CBFA2T2: variants seen among roughly 807,000 people sequenced by gnomAD.
The protein encoded by CBFA2T2 is CBFA2/RUNX1 partner transcriptional co-repressor 2, also known as protein CBFA2T2.
A neutral mutation model predicts 62.2 loss-of-function variants in CBFA2T2; 11 were observed. The ratio of observed to expected loss-of-function variants is 0.18; its 90% confidence interval spans 0.11 to 0.29. The LOEUF is 0.29. Ranked by LOEUF, CBFA2T2 falls within the 10% of genes least tolerant of loss-of-function variation. CBFA2T2 has a pLI of 1.00. For synonymous variants in CBFA2T2, 295 were observed against 287.5 expected, an observed-to-expected ratio of 1.03 and a Z score of -0.27; for missense variants, 592 against 774.1, an observed-to-expected ratio of 0.76 and a Z score of 2.79.
chr20:33,628,652 A>G (rs2016340601), intron 7 of CBFA2T2, among the ~76,000 whole-genome samples: 1 of 152,134 alleles, frequency 6.6e-6, no homozygotes, highest in Admixed American at 6.5e-5. Context: ...TATTTTTAGT[A>G]GAGACAGGGT....
At chr20:33,563,756 T>C (rs1600975487) in intron 1 of CBFA2T2, among the ~76,000 whole-genome samples, 1 of 152,056 alleles carries the variant, frequency 6.6e-6, no homozygotes, top group Non-Finnish European at 1.5e-5. Context: ...GTTTCAAGAG[T>C]TCTAGATGTT....
chr20:33,644,745 C>A lies in CBFA2T2; in HGVS notation c.*99C>A. ...CCCGTGCATGTAGCTGCCGGGTCAT[C>A]AGCAAGAAATGAATTGGAGGCAGGA... is the stretch of plus-strand genomic sequence containing the variant. On this transcript the variant is annotated 3_prime_UTR_variant, in exon 11 of 11. Coordinates refer to ENST00000342704, the MANE Select transcript of CBFA2T2 (RefSeq NM_001032999.3). 7.7e-7 allele frequency: 1 copy of A among 1,301,602 alleles called. No homozygotes were observed. Among genetic ancestry groups the A allele is most frequent in the Non-Finnish European group, 1.1e-6 (1 of 942,800 alleles). The allele number at this position is 1,301,602 out of a possible 1,614,324, so 80.6% of individuals were successfully genotyped here. A position where few individuals can be genotyped will look rare whatever the true frequency, so the allele number is the denominator to read the frequency against.
intron 1 of CBFA2T2, among the ~76,000 whole-genome samples, chr20:33,500,321 A>G (rs1435624854): frequency 1.3e-5 from 2 of 151,726 alleles, no homozygotes; most frequent in African/African-American, 4.8e-5. Context: ...GTTTTTAGAC[A>G]TGTGTTCTAC....
intron 1 of CBFA2T2, among the ~76,000 whole-genome samples, chr20:33,554,594 T>C (rs747741559): frequency 1.5e-3 from 213 of 145,400 alleles, no homozygotes; most frequent in Non-Finnish European, 1.9e-3. Context: ...TTTTCCTTTT[T>C]CTTTTCTTTT....
intron 9 of CBFA2T2, chr20:33,639,523 G>A (rs1232879415): frequency 6.6e-6 from 1 of 151,820 alleles, no homozygotes; most frequent in Non-Finnish European, 1.5e-5. Context: ...GCAGTGAGCA[G>A]AGATTACGCC....
intron 1 of CBFA2T2, among the ~76,000 whole-genome samples, chr20:33,555,393 CA>C (rs2012868432): frequency 6.6e-6 from 1 of 152,208 alleles, no homozygotes; most frequent in Non-Finnish European, 1.5e-5. Context: ...TTAATACCCA[CA>C]AGAGTGTCTT....
intron 1 of CBFA2T2, among the ~76,000 whole-genome samples, chr20:33,545,732 G>A (rs2012546952): frequency 6.6e-6 from 1 of 152,228 alleles, no homozygotes; most frequent in Admixed American, 6.5e-5. Flanking sequence ...ACAGGCGTGA[G>A]CCAACATACT....
At chr20:33,583,026 A>T (rs1036037333) in intron 1 of CBFA2T2, among the ~76,000 whole-genome samples, 2 of 151,698 alleles carry the variant, frequency 1.3e-5, no homozygotes, top group Non-Finnish European at 2.9e-5. Flanking sequence ...TTTCTTATAC[A>T]TGTGCATACT....
rs550317857 is a variant in CBFA2T2 at position 33,616,131 on chromosome 20, A to AGATG, written c.421-3385_421-3382dup. ...TAGATAGATAGATAGATAGATAGATAGATGACAGAGCAATACTCTGTAGAT... is the reference window on the plus strand; with the variant it reads ...TAGATAGATAGATAGATAGATAGATAGATGGATGACAGAGCAATACTCTGTAGAT... On this transcript the variant is annotated intron_variant, in intron 3 of 10. Transcript: ENST00000342704. Among the ~76,000 whole-genome samples the AGATG allele has an allele frequency of 3.1e-3, 450 of 146,850 alleles. 2 individuals are homozygous for AGATG. Among genetic ancestry groups the AGATG allele is most frequent in the Middle Eastern group, 0.011 (3 of 280 alleles).
At chr20:33,529,065 G>A (rs1485519269) in intron 1 of CBFA2T2, among the ~76,000 whole-genome samples, 1 of 151,872 alleles carries the variant, frequency 6.6e-6, no homozygotes, top group East Asian at 1.9e-4. Context: ...TTGTTCTGTC[G>A]CCCAGGCTGG....
intron 3 of CBFA2T2, among the ~76,000 whole-genome samples, chr20:33,614,338 C>G (rs2122307346): frequency 6.6e-6 from 1 of 152,198 alleles, no homozygotes; most frequent in South Asian, 2.1e-4. Flanking sequence ...CACCATGTGT[C>G]CCTGTTTGCC....
intron 1 of CBFA2T2, among the ~76,000 whole-genome samples, chr20:33,585,547 C>G (rs2014327804): frequency 6.6e-6 from 1 of 152,146 alleles, no homozygotes; most frequent in Admixed American, 6.6e-5. Flanking sequence ...TAACCATTCT[C>G]TTGTGGTATA....
chr20:33,535,702 G>C (rs1003790175), intron 1 of CBFA2T2, among the ~76,000 whole-genome samples: 27 of 135,458 alleles, frequency 2.0e-4, no homozygotes, highest in Non-Finnish European at 3.9e-4. Context: ...GATCATTCTT[G>C]GGTGTTTCTC....
chr20:33,629,847 G>A lies in CBFA2T2; in HGVS notation c.1161G>A (p.Leu387=). 1 of 1,614,176 alleles carries A rather than the reference G, an allele frequency of 6.2e-7. No individual in the cohort carries two copies. The highest frequency in any genetic ancestry group is 8.5e-7 in the Non-Finnish European group (1 of 1,180,036). The change falls in exon 8 of 11, where the codon CTG becomes CTA. Residue 387 remains leucine (L), a synonymous_variant. Coordinates refer to ENST00000342704, the MANE Select transcript of CBFA2T2 (RefSeq NM_001032999.3). ...GACGGTACAATGAAAACACAGAGCT[G>A]AGGAAAACGGGGACCGAGTTGGTCT... The part of the protein sequence containing the change: ...WKRRYNENTE[L]RKTGTELVSR...
Position 33,614,491 on chromosome 20 carries a change from C to T in CBFA2T2, c.420+3156C>T, listed in dbSNP as rs561596119. ...TAAGTATATTCATATTATCATACAA[C>T]CATCATCACCATCCATCTCCAAAAC... is the stretch of plus-strand genomic sequence containing the variant. On this transcript the variant is annotated intron_variant, in intron 3 of 10. Coordinates refer to ENST00000342704, the MANE Select transcript of CBFA2T2 (RefSeq NM_001032999.3). 4.6e-5 allele frequency among the ~76,000 whole-genome samples: 7 copies of T among 152,236 alleles called. No individual in the cohort carries two copies. The South Asian group carries it at 1.5e-3, about 32-fold the overall frequency.
At chr20:33,543,568 C>T (rs1373631568) in intron 1 of CBFA2T2, among the ~76,000 whole-genome samples, 2 of 152,114 alleles carry the variant, frequency 1.3e-5, no homozygotes, top group African/African-American at 2.4e-5. Flanking sequence ...GAGAAGGCAA[C>T]AGGAGCTGAA....
At chr20:33,519,060 A>G (rs965458764) in intron 1 of CBFA2T2, among the ~76,000 whole-genome samples, 1 of 152,146 alleles carries the variant, frequency 6.6e-6, no homozygotes. Context: ...TGGTAAATGT[A>G]GGTTTCTATT....
intron 1 of CBFA2T2, among the ~76,000 whole-genome samples, chr20:33,522,532 A>G (rs2011758391): frequency 6.6e-6 from 1 of 152,078 alleles, no homozygotes; most frequent in Non-Finnish European, 1.5e-5. Flanking sequence ...ATTTGAGACC[A>G]TCCTGGTCAA....
At chr20:33,589,694 G>A (rs971170976) in intron 1 of CBFA2T2, among the ~76,000 whole-genome samples, 3 of 152,106 alleles carry the variant, frequency 2.0e-5, no homozygotes, top group African/African-American at 7.2e-5. Flanking sequence ...CACTATCAGA[G>A]AGCTAACAGA....
Sources: gnomAD v4.1 joint callset for allele counts (sites outside exome capture counted in the v4.1 genomes callset) on GRCh38, gnomAD v4.1.1 for gene constraint, MANE v1.5 for transcripts, NCBI Gene and HGNC (gene_info 2026-07-23, HGNC 2026-07-21) for gene names.